ANKRD44: variants seen among roughly 807,000 people sequenced by gnomAD.
ANKRD44 encodes the protein serine/threonine-protein phosphatase 6 regulatory ankyrin repeat subunit B.
A neutral mutation model predicts 116.0 loss-of-function variants in ANKRD44; 35 were observed. The observed-to-expected ratio is 0.30, with a 90% CI of 0.23 to 0.40. ANKRD44 has a LOEUF of 0.40. Ranked by LOEUF, ANKRD44 falls within the 10% of genes least tolerant of loss-of-function variation. ANKRD44 has a pLI of 1.00. For missense variants in ANKRD44, 1,014 were observed against 1,242.6 expected (o/e 0.82, Z 2.77); for synonymous variants, 435 against 461.8 (o/e 0.94, Z 0.74).
intron 2 of ANKRD44, among the ~76,000 whole-genome samples, chr2:197,156,144 A>G (rs1486953041): frequency 6.6e-6 from 1 of 152,234 alleles, no homozygotes; most frequent in Non-Finnish European, 1.5e-5. Context: ...CAGGAGATCA[A>G]GATCATCCTG....
At chr2:197,229,538 A>G (rs2081806109) in intron 1 of ANKRD44, among the ~76,000 whole-genome samples, 1 of 152,190 alleles carries the variant, frequency 6.6e-6, no homozygotes, top group Admixed American at 6.5e-5. Context: ...CTAGTTTCTC[A>G]TTTTGATTAT....
chr2:197,238,100 T>C (rs1302732063), intron 1 of ANKRD44, among the ~76,000 whole-genome samples: 2 of 152,234 alleles, frequency 1.3e-5, no homozygotes, highest in Non-Finnish European at 2.9e-5. Context: ...TGTGTTCTGG[T>C]AGCTTCCTGT....
intron 1 of ANKRD44, among the ~76,000 whole-genome samples, chr2:197,241,834 A>G (rs2082096643): frequency 6.6e-6 from 1 of 152,126 alleles, no homozygotes; most frequent in Non-Finnish European, 1.5e-5. Context: ...TGAAAGAGGA[A>G]AAGAAACTCT....
intron 1 of ANKRD44, among the ~76,000 whole-genome samples, chr2:197,239,004 G>A (rs897344237): frequency 8.6e-5 from 13 of 152,044 alleles, no homozygotes; most frequent in Non-Finnish European, 1.5e-4. Flanking sequence ...GAGTACAGGC[G>A]TGAACCACCG....
chr2:197,053,691 C>G (rs2077154412), intron 16 of ANKRD44, among the ~76,000 whole-genome samples: 1 of 152,170 alleles, frequency 6.6e-6, no homozygotes, highest in Admixed American at 6.5e-5. Context: ...CCATGTTGGC[C>G]AGGCTGGTCA....
chr2:197,281,735 T>G (rs2083270804), intron 1 of ANKRD44, among the ~76,000 whole-genome samples: 1 of 152,200 alleles, frequency 6.6e-6, no homozygotes, highest in Non-Finnish European at 1.5e-5. Flanking sequence ...GCAAATTTTT[T>G]CCTTGGAATT....
At chr2:197,302,386 T>A (rs1285979651) in intron 1 of ANKRD44, 1 of 152,238 alleles carries the variant, frequency 6.6e-6, no homozygotes, top group Non-Finnish European at 1.5e-5. Flanking sequence ...TTTGGCCAGG[T>A]GGCAGCCAGT....
At chr2:197,259,673 C>T (rs2082544679) in intron 1 of ANKRD44, among the ~76,000 whole-genome samples, 1 of 152,196 alleles carries the variant, frequency 6.6e-6, no homozygotes. Flanking sequence ...CTCCAACGTG[C>T]CAGGTGCTGA....
At chr2:197,170,595 T>C (rs1341076194) in intron 2 of ANKRD44, among the ~76,000 whole-genome samples, 1 of 152,250 alleles carries the variant, frequency 6.6e-6, no homozygotes, top group Non-Finnish European at 1.5e-5. Context: ...TTTCTTAGAC[T>C]TGAAAATAAA....
intron 1 of ANKRD44, among the ~76,000 whole-genome samples, chr2:197,244,949 A>G (rs934918385): frequency 2.0e-5 from 3 of 152,186 alleles, no homozygotes; most frequent in Admixed American, 2.0e-4. Flanking sequence ...CGCAAATCTA[A>G]AATATTTAGG....
intron 1 of ANKRD44, among the ~76,000 whole-genome samples, chr2:197,239,481 T>G (rs1178937598): frequency 1.3e-5 from 2 of 152,222 alleles, no homozygotes; most frequent in Non-Finnish European, 2.9e-5. Context: ...CTGCCCACTT[T>G]GGCCTCCCAA....
intron 16 of ANKRD44, among the ~76,000 whole-genome samples, chr2:197,066,907 T>C (rs1355231424): frequency 6.6e-6 from 1 of 152,214 alleles, no homozygotes; most frequent in Non-Finnish European, 1.5e-5. Context: ...TACCAATGAC[T>C]TTCTTCACAG....
intron 1 of ANKRD44, among the ~76,000 whole-genome samples, chr2:197,191,574 A>T (rs192942265): frequency 6.6e-6 from 1 of 152,190 alleles, no homozygotes; most frequent in Non-Finnish European, 1.5e-5. Context: ...TAAAATGCTA[A>T]ATCAAATATG....
At chr2:197,301,064 G>C (rs2083893748) in intron 1 of ANKRD44, 1 of 152,126 alleles carries the variant, frequency 6.6e-6, no homozygotes, top group Non-Finnish European at 1.5e-5. Context: ...TGGGATTACA[G>C]GCATGAGCCA....
At chr2:197,151,122 G>A (rs1348351601) in intron 2 of ANKRD44, among the ~76,000 whole-genome samples, 3 of 13,506 alleles carry the variant, frequency 2.2e-4, no homozygotes, top group African/African-American at 3.9e-4. Context: ...TTGAAAATAT[G>A]CAAAAAAAAA....
At position 196,993,647 on chromosome 2, in the gene ANKRD44, G is replaced by C; in HGVS notation, c.2859C>G (p.Gly953=). 1 of 1,551,012 alleles carries C rather than the reference G, an allele frequency of 6.4e-7. No individual in the cohort carries two copies. The highest frequency in any genetic ancestry group is 8.7e-7 in the Non-Finnish European group (1 of 1,147,070). The part of the protein sequence containing the change: ...QTPLHVAARN[G]LKVVVEELLA... ...GCAACTCCTCAACTACCACCTTTAA[G>C]CCATTGCGCGCAGCGACGTGGAGGG... The change falls in exon 27 of 28, where the codon GGC becomes GGG. Residue 953 remains glycine, a synonymous_variant. Transcript: ENST00000282272.
chr2:196,982,129 T>TATATATATATATATATATATATATGC (rs2075806335), downstream of ANKRD44, among the ~76,000 whole-genome samples: 1 of 144,660 alleles, frequency 6.9e-6, no homozygotes, highest in African/African-American at 2.5e-5. Context: ...TATATATATA[T>TATATATATATATATATATATATATGC]GCAGAGACAA....
Position 197,287,123 on chromosome 2 carries a change from G to A in ANKRD44, c.27+23455C>T, listed in dbSNP as rs116280845. Among the ~76,000 whole-genome samples the A allele has an allele frequency of 7.6e-3, 1,155 of 152,262 alleles. 8 individuals are homozygous for A. Among genetic ancestry groups the A allele is most frequent in the South Asian group, 0.023 (112 of 4,822 alleles). On this transcript the variant is annotated intron_variant, in intron 1 of 27. Transcript: ENST00000282272. ...GATGATGTGTCAATGCAGGTTCATC[G>A]ATGGTAACAAATGTACCACTCTAGT... is the stretch of plus-strand genomic sequence containing the variant.
At chr2:197,010,634 G>A (rs867240185) in intron 18 of ANKRD44, among the ~76,000 whole-genome samples, 7 of 151,968 alleles carry the variant, frequency 4.6e-5, no homozygotes, top group African/African-American at 1.2e-4. Flanking sequence ...GCTATTGAAC[G>A]CAAACCAAAG....
Sources: allele counts gnomAD v4.1 joint callset (sites outside exome capture counted in the v4.1 genomes callset), GRCh38; gene constraint gnomAD v4.1.1; transcripts MANE v1.5; gene names NCBI Gene and HGNC (gene_info 2026-07-23, HGNC 2026-07-21).